Variants in RHOBTB1 observed in about 807,000 individuals in gnomAD.
RHOBTB1 encodes rho-related BTB domain-containing protein 1.
In RHOBTB1, 40 loss-of-function variants were observed where a neutral mutation model predicts 71.6. That is an observed-to-expected ratio of 0.56 (90% CI 0.43 to 0.73). RHOBTB1 has a LOEUF of 0.73. Among genes scored for constraint, RHOBTB1 ranks in the 30% least tolerant of loss-of-function variants. The pLI is 0.00. For missense variants in RHOBTB1, 797 were observed against 894.0 expected, an observed-to-expected ratio of 0.89 and a Z score of 1.38; for synonymous variants, 319 against 334.9, an observed-to-expected ratio of 0.95 and a Z score of 0.52.
chr10:60,871,104 C>T lies in RHOBTB1; in HGVS notation c.*378G>A, dbSNP rs2080757770. Reference sequence around the variant, plus strand: ...AAAATAAAGTAATACACAGTATTTTCATTTCAACAAAATACAACAGACCAT... The same window carrying T: ...AAAATAAAGTAATACACAGTATTTTTATTTCAACAAAATACAACAGACCAT... On this transcript the variant is annotated 3_prime_UTR_variant, in exon 11 of 11. Transcript: ENST00000337910. 1.2e-5 allele frequency: 2 copies of T among 168,894 alleles called. No individual in the cohort carries two copies. The highest frequency in any genetic ancestry group is 6.2e-5 in the Admixed American group (1 of 16,096). The allele number at this position is 168,894 out of a possible 1,614,324, so 10.5% of individuals were successfully genotyped here. A position where few individuals can be genotyped will look rare whatever the true frequency, so the allele number is the denominator to read the frequency against.
upstream of RHOBTB1, among the ~76,000 whole-genome samples, chr10:60,947,870 A>T (rs565267897): frequency 1.3e-5 from 2 of 152,212 alleles, no homozygotes; most frequent in Non-Finnish European, 2.9e-5. Context: ...TTGCTAGGTC[A>T]TATGCTAAAT....
At chr10:60,933,710 A>C (rs527525697) in intron 2 of RHOBTB1, among the ~76,000 whole-genome samples, 21 of 152,322 alleles carry the variant, frequency 1.4e-4, no homozygotes, top group African/African-American at 4.6e-4. Flanking sequence ...AAAGAAAAAA[A>C]AAAGGAATGT....
chr10:60,992,578 G>T (rs1223036339), intron 1 of RHOBTB1, among the ~76,000 whole-genome samples: 1 of 152,110 alleles, frequency 6.6e-6, no homozygotes, highest in Non-Finnish European at 1.5e-5. Flanking sequence ...GCTTCCATAT[G>T]GTGACAGAAT....
intron 6 of RHOBTB1, among the ~76,000 whole-genome samples, chr10:60,887,766 A>G (rs1460785243): frequency 2.0e-5 from 3 of 152,200 alleles, no homozygotes; most frequent in African/African-American, 4.8e-5. Context: ...TCAGTGCTGA[A>G]GGGTCAATGG....
At chr10:60,993,600 C>G (rs561517992) in intron 1 of RHOBTB1, among the ~76,000 whole-genome samples, 22 of 152,168 alleles carry the variant, frequency 1.4e-4, no homozygotes, top group African/African-American at 5.3e-4. Context: ...GTATGAATCT[C>G]TCTCATGGCC....
intron 2 of RHOBTB1, among the ~76,000 whole-genome samples, chr10:60,931,049 A>G (rs2084217110): frequency 6.6e-6 from 1 of 152,146 alleles, no homozygotes; most frequent in Non-Finnish European, 1.5e-5. Flanking sequence ...AACAAACTGA[A>G]AGGAAATACA....
chr10:60,930,536 A>G (rs1484944519), intron 2 of RHOBTB1, among the ~76,000 whole-genome samples: 1 of 152,164 alleles, frequency 6.6e-6, no homozygotes, highest in East Asian at 1.9e-4. Flanking sequence ...GTGCAACCCA[A>G]ATAAAATTGG....
In RHOBTB1 at chr10:60,871,565, G is replaced by C; in HGVS notation, c.2008C>G (p.Arg670Gly). ...TTTAGTGCAATATCTTCCTTCTCTC[G>C]TTCCCTTTTCACACGCTGGTAGTGA... ...EDHYQRVKREREKEDIALNKH... is the reference protein window; with the variant it reads ...EDHYQRVKREGEKEDIALNKH... Residue 670 changes from arginine to glycine, a missense_variant, in exon 11 of 11, where the codon CGA becomes GGA. This residue lies in a region of RHOBTB1 where 658 missense variants were observed against 681.5 expected (regional missense o/e 0.97). Coordinates refer to ENST00000337910, the MANE Select transcript of RHOBTB1 (RefSeq NM_014836.5). The C allele has an allele frequency of 3.1e-6, 5 of 1,613,872 alleles. No homozygotes were observed. Among genetic ancestry groups the C allele is most frequent in the Non-Finnish European group, 4.2e-6 (5 of 1,179,958 alleles).
At chr10:60,905,118 C>T (rs980132270) in intron 4 of RHOBTB1, among the ~76,000 whole-genome samples, 2 of 150,258 alleles carry the variant, frequency 1.3e-5, no homozygotes, top group Non-Finnish European at 3.0e-5. Flanking sequence ...TAAGAGGGTA[C>T]CAAAAAAACT....
At chr10:60,937,600 G>A (rs188686672) in intron 2 of RHOBTB1, among the ~76,000 whole-genome samples, 6 of 152,262 alleles carry the variant, frequency 3.9e-5, no homozygotes, top group East Asian at 1.9e-4. Flanking sequence ...CTTGGTATTC[G>A]TTTGCAGCAG....
intron 2 of RHOBTB1, among the ~76,000 whole-genome samples, chr10:60,956,612 G>A (rs1266277618): frequency 1.3e-5 from 2 of 150,398 alleles, no homozygotes; most frequent in South Asian, 2.1e-4. Context: ...TATTGTATAA[G>A]TTTTATTATT....
chr10:60,913,731 T>A (rs992761167), intron 2 of RHOBTB1, among the ~76,000 whole-genome samples: 1 of 152,218 alleles, frequency 6.6e-6, no homozygotes, highest in East Asian at 1.9e-4. Flanking sequence ...CAGCCCCAAA[T>A]GTTACAGGGC....
chr10:60,910,792 A>G (rs2082925113), intron 4 of RHOBTB1, 95 bp downstream of exon 4: 1 of 843,360 alleles, frequency 1.2e-6, no homozygotes. Flanking sequence ...TTTCAAGGCC[A>G]TATGATGTGG....
chr10:60,973,291 A>G (rs1350001219), intron 2 of RHOBTB1, among the ~76,000 whole-genome samples: 1 of 152,106 alleles, frequency 6.6e-6, no homozygotes, highest in Non-Finnish European at 1.5e-5. Context: ...GTTACAAGCT[A>G]AGATTATTAC....
chr10:60,942,321 C>T (rs1334697511), intron 1 of RHOBTB1, among the ~76,000 whole-genome samples: 1 of 152,176 alleles, frequency 6.6e-6, no homozygotes, highest in Non-Finnish European at 1.5e-5. Context: ...GAGCCAATAA[C>T]ATCAAACTGT....
chr10:60,943,545 G>A (rs1778446972), intron 1 of RHOBTB1, among the ~76,000 whole-genome samples: 1 of 152,172 alleles, frequency 6.6e-6, no homozygotes. Context: ...TCAAGAGGGT[G>A]CAAGCGCCAA....
At chr10:60,935,447 A>T (rs868710198) in intron 2 of RHOBTB1, among the ~76,000 whole-genome samples, 1 of 151,462 alleles carries the variant, frequency 6.6e-6, no homozygotes, top group South Asian at 2.1e-4. Context: ...TATACTGATA[A>T]TTTTTTTTTA....
At position 60,878,064 on chromosome 10, in the gene RHOBTB1, A is replaced by C. The variant is rs761381017; in HGVS notation, c.1576-6T>G. 6.2e-7 allele frequency: 1 copy of C among 1,607,532 alleles called. No individual in the cohort carries two copies. The highest frequency in any genetic ancestry group is 1.7e-5 in the Admixed American group (1 of 58,876). ...TTTATGTTCGGGAGATACACCTGAA[A>C]TGTTATACAAAAAGCTAAATTCTGC... On this transcript the variant is annotated splice_region_variant and splice_polypyrimidine_tract_variant and intron_variant, in intron 7 of 10. Coordinates refer to ENST00000337910, the MANE Select transcript of RHOBTB1 (RefSeq NM_014836.5).
intron 2 of RHOBTB1, among the ~76,000 whole-genome samples, chr10:60,932,534 A>G (rs2084320468): frequency 6.7e-6 from 1 of 149,528 alleles, no homozygotes; most frequent in Admixed American, 6.7e-5. Context: ...AAAAAAAAAG[A>G]CAGAAACAAG....
Sources: allele counts gnomAD v4.1 joint callset (sites outside exome capture counted in the v4.1 genomes callset), GRCh38; gene constraint gnomAD v4.1.1; regional missense constraint gnomAD v4.1.1; transcripts MANE v1.5; gene names NCBI Gene and HGNC (gene_info 2026-07-23, HGNC 2026-07-21).